The following NAV2 variants were observed in gnomAD, a reference collection of about 807,000 sequenced individuals.
NAV2 encodes helicase, APC down-regulated 1.
NAV2 carries 54 observed loss-of-function variants against 223.2 expected under a neutral mutation model. That is an observed-to-expected ratio of 0.24 (90% CI 0.19 to 0.30). The LOEUF (loss-of-function observed/expected upper bound fraction) is 0.30. Among genes scored for constraint, NAV2 ranks in the 10% least tolerant of loss-of-function variants. The pLI is 1.00. For missense variants in NAV2, 2,806 were observed against 3,147.5 expected (o/e 0.89, Z 2.60); for synonymous variants, 1,279 against 1,239.3 (o/e 1.03, Z -0.67).
At chr11:19,453,371 C>A (rs917475665) in intron 1 of NAV2, among the ~76,000 whole-genome samples, 7 of 152,278 alleles carry the variant, frequency 4.6e-5, no homozygotes, top group African/African-American at 1.7e-4. Flanking sequence ...AGAAAGGATG[C>A]GTGTCCTTAA....
chr11:20,097,047 A>G (rs1310666711), intron 30 of NAV2, among the ~76,000 whole-genome samples: 1 of 152,092 alleles, frequency 6.6e-6, no homozygotes, highest in Admixed American at 6.6e-5. Flanking sequence ...CTAACCTAAA[A>G]CCTTTTGTTC....
intron 1 of NAV2, among the ~76,000 whole-genome samples, chr11:19,371,767 G>GTTTT (rs9299953): frequency 2.1e-5 from 2 of 96,964 alleles, no homozygotes; most frequent in African/African-American, 7.4e-5. Context: ...TCTGTATCAG[G>GTTTT]TTTTTTTTTT....
At position 19,713,668 on chromosome 11, in the gene NAV2, G is replaced by T. The variant is rs770382100; in HGVS notation, c.-28G>T. 4.6e-6 allele frequency: 7 copies of T among 1,517,488 alleles called. No homozygotes were observed. Among genetic ancestry groups the T allele is most frequent in the Non-Finnish European group, 5.3e-6 (6 of 1,131,546 alleles). The allele number at this position is 1,517,488 out of a possible 1,614,324, so 94.0% of individuals were successfully genotyped here. On this transcript the variant is annotated 5_prime_UTR_variant, in exon 1 of 38. Coordinates refer to ENST00000349880, the MANE Select transcript of NAV2 (RefSeq NM_145117.5). The surrounding 1 kb of genome is among the most constrained non-coding windows in gnomAD (Gnocchi z 7.2). ...CCCCCGCCGCCGCTGCCAGGGACGT[G>T]CTGGGAAAGCCCAAGCCCCGGGAGA...
At chr11:19,447,980 G>C (rs1851648095) in intron 1 of NAV2, among the ~76,000 whole-genome samples, 2 of 151,986 alleles carry the variant, frequency 1.3e-5, no homozygotes, top group South Asian at 4.2e-4. Context: ...GACCAAACAC[G>C]CACCCTGGTT....
At chr11:19,397,927 CTG>C (rs1849528146) in intron 1 of NAV2, among the ~76,000 whole-genome samples, 1 of 152,104 alleles carries the variant, frequency 6.6e-6, no homozygotes, top group East Asian at 1.9e-4. Flanking sequence ...AGCAGTGCCT[CTG>C]TGTGATGGGA....
intron 11 of NAV2, among the ~76,000 whole-genome samples, chr11:20,012,152 A>G (rs2053610306): frequency 6.6e-6 from 1 of 152,230 alleles, no homozygotes; most frequent in Non-Finnish European, 1.5e-5. Context: ...GTTTCTGTCT[A>G]GGTCCAGCTA....
chr11:19,777,622 C>G (rs2056365963), intron 1 of NAV2: 2 of 435,494 alleles, frequency 4.6e-6, no homozygotes, highest in Non-Finnish European at 9.2e-6. Flanking sequence ...GTGGAAAGCC[C>G]CTGAAATGCA....
At chr11:19,615,243 T>A (rs1432884174) in intron 1 of NAV2, among the ~76,000 whole-genome samples, 2 of 151,766 alleles carry the variant, frequency 1.3e-5, no homozygotes, top group Non-Finnish European at 2.9e-5. Context: ...ATATATATAA[T>A]GACCAGAGTT....
chr11:19,890,784 G>A (rs1205877016), intron 5 of NAV2, among the ~76,000 whole-genome samples: 1 of 152,172 alleles, frequency 6.6e-6, no homozygotes, highest in East Asian at 1.9e-4. Flanking sequence ...GGACCTCCTT[G>A]GCCAGATGTG....
chr11:19,680,726 G>A (rs924232005), intron 1 of NAV2, among the ~76,000 whole-genome samples: 1 of 152,220 alleles, frequency 6.6e-6, no homozygotes, highest in African/African-American at 2.4e-5. Context: ...CTGTGAGAAT[G>A]AGAGCTAAAA....
chr11:19,790,111 G>A lies in NAV2; in HGVS notation c.268-42373G>A, dbSNP rs140661466. ...CAGCCTCGGATGCTATCTTGTGGGC[G>A]GCTCTCATGCTCCCGGCTGCATGCT... On this transcript the variant is annotated intron_variant, in intron 1 of 37. Transcript: ENST00000349880. Among the ~76,000 whole-genome samples the A allele has an allele frequency of 2.8e-3, 421 of 152,238 alleles. 4 individuals carry two copies. Among genetic ancestry groups the A allele is most frequent in the African/African-American group, 9.5e-3 (395 of 41,526 alleles).
chr11:19,714,174 C>T (rs1314163103), intron 1 of NAV2: 2 of 715,738 alleles, frequency 2.8e-6, no homozygotes, highest in African/African-American at 3.5e-5. Flanking sequence ...GCCTTAAGAG[C>T]TCTTCGAGAC....
intron 1 of NAV2, among the ~76,000 whole-genome samples, chr11:19,408,634 C>T (rs1413552466): frequency 6.6e-6 from 1 of 152,192 alleles, no homozygotes; most frequent in Non-Finnish European, 1.5e-5. Flanking sequence ...GTAAATGTTG[C>T]ACTCACTTGA....
At chr11:20,027,302 G>A in intron 11 of NAV2, 1 of 979,634 alleles carries the variant, frequency 1.0e-6, no homozygotes, top group Non-Finnish European at 1.2e-6. Flanking sequence ...GTTCCGCTCG[G>A]GCCCCGGGGT....
intron 6 of NAV2, chr11:19,931,707 C>T (rs1167221912): frequency 3.3e-5 from 5 of 151,786 alleles, no homozygotes; most frequent in Non-Finnish European, 7.4e-5. Context: ...TAACCGAAAA[C>T]ACTTGTGACA....
At chr11:19,462,645 T>C (rs1852207153) in intron 1 of NAV2, among the ~76,000 whole-genome samples, 1 of 152,206 alleles carries the variant, frequency 6.6e-6, no homozygotes, top group Non-Finnish European at 1.5e-5. Flanking sequence ...CCAAAGCTCA[T>C]AATATTTGGA....
intron 1 of NAV2, among the ~76,000 whole-genome samples, chr11:19,522,948 A>T (rs1398895696): frequency 1.3e-5 from 2 of 152,196 alleles, no homozygotes; most frequent in East Asian, 3.8e-4. Context: ...ATGGCTGTTG[A>T]TTAAAATGAT....
intron 12 of NAV2, chr11:20,043,698 T>C: frequency 3.2e-6 from 1 of 313,038 alleles, no homozygotes. Flanking sequence ...CGCCTCAGCC[T>C]CCTAAAATAT....
At chr11:19,454,609 G>T (rs1851898537) in intron 1 of NAV2, among the ~76,000 whole-genome samples, 1 of 152,162 alleles carries the variant, frequency 6.6e-6, no homozygotes, top group African/African-American at 2.4e-5. Flanking sequence ...GCACTGTGCT[G>T]AGCTGGGAGG....
Sources: gnomAD v4.1 joint callset for allele counts (sites outside exome capture counted in the v4.1 genomes callset) on GRCh38, gnomAD v4.1.1 for gene constraint, Gnocchi (gnomAD v3.1) non-coding constraint, MANE v1.5 for transcripts, NCBI Gene and HGNC (gene_info 2026-07-23, HGNC 2026-07-21) for gene names.